PATJ: variants seen among roughly 807,000 people sequenced by gnomAD.
PATJ encodes the protein PATJ crumbs cell polarity complex component.
A neutral mutation model predicts 224.9 loss-of-function variants in PATJ; 190 were observed. The observed-to-expected ratio is 0.84, with a 90% CI of 0.75 to 0.95. PATJ has a LOEUF of 0.95. PATJ is among the 40% of genes least tolerant of loss of function. The pLI, the probability that PATJ is intolerant of heterozygous loss-of-function variation, is 0.00. For synonymous variants in PATJ, 769 were observed against 820.3 expected, an observed-to-expected ratio of 0.94 and a Z score of 1.07; for missense variants, 2,121 against 2,270.3, an observed-to-expected ratio of 0.93 and a Z score of 1.34.
chr1:61,818,095 C>T (rs1656521639), intron 14 of PATJ, among the ~76,000 whole-genome samples: 1 of 152,026 alleles, frequency 6.6e-6, no homozygotes. Flanking sequence ...TTATAGTATC[C>T]TAAAAGTAAA....
Position 62,050,950 on chromosome 1 carries a change from T to G in PATJ, c.4033-16T>G, listed in dbSNP as rs1653492433. On this transcript the variant is annotated splice_polypyrimidine_tract_variant and intron_variant, in intron 30 of 43. Coordinates refer to ENST00000642238, the MANE Select transcript of PATJ (RefSeq NM_001350145.3). The stretch of plus-strand genomic sequence containing the variant: ...AAGAATGACATCTTTGCCATTTTCT[T>G]TTTAACGTTCCATAGGATCAGAGCG... 1 of 1,604,306 alleles carries G rather than the reference T, an allele frequency of 6.2e-7. No individual in the cohort carries two copies.
At chr1:62,131,917 G>C (rs986272229) in intron 41 of PATJ, among the ~76,000 whole-genome samples, 1 of 150,856 alleles carries the variant, frequency 6.6e-6, no homozygotes, top group Non-Finnish European at 1.5e-5. Flanking sequence ...GTCTAGGCTG[G>C]AGTGCACTGC....
chr1:62,017,734 A>T, intron 28 of PATJ, 122 bp from the exon 29 acceptor site: 1 of 490,648 alleles, frequency 2.0e-6, no homozygotes, highest in East Asian at 3.2e-5. Context: ...TGTCTCAAAA[A>T]AAAAAAAAAA....
In PATJ at chr1:61,869,875, G is replaced by A. The variant is rs148617431; in HGVS notation, c.2835+5242G>A. ...AGCGGGTGCAGGAGCCTGGGCAAGC[G>A]CTTTTGGGTACTGGCAGGAGCAAAT... On this transcript the variant is annotated intron_variant, in intron 20 of 43. Coordinates refer to ENST00000642238, the MANE Select transcript of PATJ (RefSeq NM_001350145.3). Among the ~76,000 whole-genome samples the A allele has an allele frequency of 4.8e-3, 726 of 152,378 alleles. 3 individuals carry two copies. Among genetic ancestry groups the A allele is most frequent in the African/African-American group, 0.016 (662 of 41,598 alleles).
chr1:61,879,994 A>G (rs185052772), intron 21 of PATJ, among the ~76,000 whole-genome samples: 411 of 152,068 alleles, frequency 2.7e-3, no homozygotes, highest in African/African-American at 9.5e-3. Flanking sequence ...ACACGCCACC[A>G]CACCTGGCTA....
At chr1:62,128,368 C>G (rs1346778976) in intron 40 of PATJ, 1 of 343,500 alleles carries the variant, frequency 2.9e-6, no homozygotes, top group African/African-American at 2.1e-5. Flanking sequence ...CCTCATTCCA[C>G]CCAAAATCAG....
rs937996351 is a variant in PATJ, at chr1:61,966,661, G to A, written c.3671-23507G>A. On this transcript the variant is annotated intron_variant, in intron 27 of 43. Coordinates refer to ENST00000642238, the MANE Select transcript of PATJ (RefSeq NM_001350145.3). ...AGATTGCATCATTGCACTCCAGCCTGGGCGACAAGAGCGAGACTTCATCTC... is the reference window on the plus strand; with the variant it reads ...AGATTGCATCATTGCACTCCAGCCTAGGCGACAAGAGCGAGACTTCATCTC... Among the ~76,000 whole-genome samples, 8 of 150,566 alleles carry A rather than the reference G, an allele frequency of 5.3e-5. 1 individual carries two copies. The highest frequency in any genetic ancestry group is 8.8e-5 in the Non-Finnish European group (6 of 67,798).
chr1:61,829,596 G>A (rs1452261617), intron 16 of PATJ, among the ~76,000 whole-genome samples: 2 of 152,220 alleles, frequency 1.3e-5, no homozygotes, highest in African/African-American at 4.8e-5. Flanking sequence ...GAGTTATGCA[G>A]AATTGATTGT....
At chr1:62,153,039 GAAAAA>G (rs532477880) in intron 42 of PATJ, among the ~76,000 whole-genome samples, 1 of 135,604 alleles carries the variant, frequency 7.4e-6, no homozygotes, top group Non-Finnish European at 1.5e-5. Context: ...CTCAAAAAAA[GAAAAA>G]AAAAAGAGTT....
At chr1:62,070,613 G>A (rs1247311727) in intron 31 of PATJ, among the ~76,000 whole-genome samples, 1 of 152,128 alleles carries the variant, frequency 6.6e-6, no homozygotes, top group Non-Finnish European at 1.5e-5. Flanking sequence ...ACCACCCAGG[G>A]GCTAAGGGAA....
chr1:62,072,301 G>A (rs905341094), intron 31 of PATJ: 1 of 151,210 alleles, frequency 6.6e-6, no homozygotes, highest in Non-Finnish European at 1.5e-5. Flanking sequence ...TTTTGTTTTT[G>A]TTTTTTTGTT....
chr1:62,147,434 CG>C (rs1366979580), intron 41 of PATJ, among the ~76,000 whole-genome samples: 2 of 152,050 alleles, frequency 1.3e-5, no homozygotes, highest in African/African-American at 4.8e-5. Context: ...TCGAGACGGG[CG>C]GATCACTTGA....
intron 20 of PATJ, among the ~76,000 whole-genome samples, chr1:61,871,944 G>T (rs1666699815): frequency 6.8e-6 from 1 of 146,748 alleles, no homozygotes. Context: ...GACCTCAAGT[G>T]GTCCACCCAC....
intron 7 of PATJ, among the ~76,000 whole-genome samples, chr1:61,786,859 G>A (rs1648654537): frequency 2.0e-5 from 3 of 151,958 alleles, no homozygotes; most frequent in African/African-American, 4.8e-5. Context: ...GGTGGTGCGC[G>A]CCTGTAATCC....
In PATJ at chr1:62,153,480, AG is replaced by A; in HGVS notation, c.5502+1del. ...LPIYVKTVFA[K>X]GAAADDGRLK... ...ATTTATGTCAAGACTGTATTTGCAAAGGTATATCTTCTTTTTTAATGTACTT... is the reference window on the plus strand; with the variant it reads ...ATTTATGTCAAGACTGTATTTGCAAAGTATATCTTCTTTTTTAATGTACTT... On this transcript the variant is annotated frameshift_variant and splice_region_variant, in exon 43 of 44. Transcript: ENST00000642238. LOFTEE classifies it high-confidence loss of function. 2 of 1,231,068 alleles carry A rather than the reference AG, an allele frequency of 1.6e-6. No homozygotes were observed. The highest frequency in any genetic ancestry group is 2.0e-6 in the Non-Finnish European group (2 of 987,032). 76.3% of individuals were successfully genotyped at this position (1,231,068 alleles called of 1,614,324 possible). A position where few individuals can be genotyped will look rare whatever the true frequency, so the allele number is the denominator to read the frequency against.
rs143710819 is a variant in PATJ, at chr1:61,880,572, G to A, written c.2960-3665G>A. ...GCTCTACCAGATATTTTTTAAATCC[G>A]TAGAAGGTATGCAAACCAAAAAATA... is the stretch of plus-strand genomic sequence containing the variant. On this transcript the variant is annotated intron_variant, in intron 21 of 43. Coordinates refer to ENST00000642238, the MANE Select transcript of PATJ (RefSeq NM_001350145.3). Among the ~76,000 whole-genome samples the A allele has an allele frequency of 3.6e-3, 550 of 152,180 alleles. 4 individuals carry two copies. The highest frequency in any genetic ancestry group is 5.4e-3 in the Non-Finnish European group (370 of 68,000).
chr1:62,061,953 C>A (rs1198020755), intron 31 of PATJ, among the ~76,000 whole-genome samples: 1 of 152,228 alleles, frequency 6.6e-6, no homozygotes, highest in Non-Finnish European at 1.5e-5. Context: ...GCCACCGCAC[C>A]AAGACTTACA....
intron 28 of PATJ, among the ~76,000 whole-genome samples, chr1:61,992,446 T>G (rs1645125010): frequency 6.6e-6 from 1 of 152,046 alleles, no homozygotes; most frequent in Admixed American, 6.6e-5. Context: ...CCAACCCAAT[T>G]TGTTTAGATT....
At chr1:62,124,411 G>C (rs1162842865) in intron 39 of PATJ, among the ~76,000 whole-genome samples, 1 of 152,064 alleles carries the variant, frequency 6.6e-6, no homozygotes, top group East Asian at 1.9e-4. Flanking sequence ...TGCTCACTTT[G>C]ACCTAAATGA....
Sources: gnomAD v4.1 joint callset for allele counts (sites outside exome capture counted in the v4.1 genomes callset) on GRCh38, gnomAD v4.1.1 for gene constraint, MANE v1.5 for transcripts, NCBI Gene and HGNC (gene_info 2026-07-23, HGNC 2026-07-21) for gene names.